Variants in RSRC1 observed in about 807,000 individuals in gnomAD.
RSRC1 encodes the protein arginine and serine rich coiled-coil 1, also known as serine/Arginine-related protein 53.
A neutral mutation model predicts 49.1 loss-of-function variants in RSRC1; 39 were observed. That is an observed-to-expected ratio of 0.79 (90% CI 0.61 to 1.04). The LOEUF is 1.04. RSRC1 is among the 50% of genes least tolerant of loss of function. The probability of loss-of-function intolerance (pLI) is 0.00; values close to 1 mark genes in which losing one functional copy is unlikely to be tolerated. For synonymous variants in RSRC1, 143 were observed against 130.8 expected, an observed-to-expected ratio of 1.09 and a Z score of -0.63; for missense variants, 388 against 402.4, an observed-to-expected ratio of 0.96 and a Z score of 0.31.
intron 4 of RSRC1, among the ~76,000 whole-genome samples, chr3:158,208,349 C>T (rs1721463458): frequency 6.6e-6 from 1 of 151,926 alleles, no homozygotes; most frequent in South Asian, 2.1e-4. Flanking sequence ...GTCAGAGCAA[C>T]TGTATTTCTT....
intron 4 of RSRC1, among the ~76,000 whole-genome samples, chr3:158,239,399 A>C (rs992566081): frequency 6.6e-6 from 1 of 152,150 alleles, no homozygotes; most frequent in Non-Finnish European, 1.5e-5. Context: ...TACTATAAAG[A>C]CCCATGCACA....
At chr3:158,245,114 T>C (rs1723817416) in intron 4 of RSRC1, among the ~76,000 whole-genome samples, 1 of 124,746 alleles carries the variant, frequency 8.0e-6, no homozygotes, top group Admixed American at 8.8e-5. Flanking sequence ...CTAGTTCTTT[T>C]AGTTATTAAT....
chr3:158,380,076 T>G, intron 6 of RSRC1, among the ~76,000 whole-genome samples: 1 of 152,206 alleles, frequency 6.6e-6, no homozygotes, highest in East Asian at 1.9e-4. Context: ...GGCTTTACTT[T>G]AATGTTTCTC....
intron 6 of RSRC1, among the ~76,000 whole-genome samples, chr3:158,390,168 T>G (rs1578418295): frequency 2.6e-5 from 4 of 152,166 alleles, no homozygotes. Context: ...TGTTGAGTGT[T>G]TGTATAGACC....
At chr3:158,173,736 A>C (rs1230755799) in intron 3 of RSRC1, among the ~76,000 whole-genome samples, 1 of 151,970 alleles carries the variant, frequency 6.6e-6, no homozygotes, top group Non-Finnish European at 1.5e-5. Flanking sequence ...CGAATAAACA[A>C]AATGTGGTAT....
At chr3:158,208,174 A>T (rs970132570) in intron 4 of RSRC1, among the ~76,000 whole-genome samples, 1 of 152,134 alleles carries the variant, frequency 6.6e-6, no homozygotes, top group Non-Finnish European at 1.5e-5. Context: ...TATAAAATTT[A>T]GTTTCTAAGA....
chr3:158,502,887 T>G (rs1286025941), intron 7 of RSRC1, among the ~76,000 whole-genome samples: 1 of 152,188 alleles, frequency 6.6e-6, no homozygotes, highest in Non-Finnish European at 1.5e-5. Flanking sequence ...GATTTCTTTT[T>G]GGTTTGGATC....
intron 7 of RSRC1, among the ~76,000 whole-genome samples, chr3:158,517,824 G>C (rs1740659859): frequency 1.6e-5 from 2 of 123,900 alleles, no homozygotes; most frequent in African/African-American, 6.2e-5. Flanking sequence ...GGTTGGTCTT[G>C]AAATCGTGGA....
At chr3:158,384,518 A>G (rs1350420731) in intron 6 of RSRC1, among the ~76,000 whole-genome samples, 1 of 152,138 alleles carries the variant, frequency 6.6e-6, no homozygotes, top group Non-Finnish European at 1.5e-5. Flanking sequence ...AGATTAATGA[A>G]TGGGCTATTA....
Position 158,500,784 on chromosome 3 carries a change from C to A in RSRC1, c.653-36308C>A, listed in dbSNP as rs561420950. Among the ~76,000 whole-genome samples, 7 of 152,010 alleles carry A rather than the reference C, an allele frequency of 4.6e-5. No homozygotes were observed. The East Asian group carries it at 1.4e-3, about 29-fold the overall frequency. ...TGGGTTAATCTTGTTAATTATCTAT[C>A]AATTTTATTTATCTTTCAAAGAACC... On this transcript the variant is annotated intron_variant, in intron 7 of 9. Transcript: ENST00000611884.
At position 158,202,562 on chromosome 3, in the gene RSRC1, T is replaced by TTATATATATATGTATATATATA. The variant is rs1553768415; in HGVS notation, c.321-499_321-498insGTATATATATATATATATATAT. Among the ~76,000 whole-genome samples the TTATATATATATGTATATATATA allele has an allele frequency of 2.7e-4, 25 of 92,024 alleles. 1 individual carries two copies. Among genetic ancestry groups the TTATATATATATGTATATATATA allele is most frequent in the African/African-American group, 1.3e-3 (24 of 18,896 alleles). 60.4% of individuals were successfully genotyped at this position (92,024 alleles called of 152,430 possible). A position where few individuals can be genotyped will look rare whatever the true frequency, so the allele number is the denominator to read the frequency against. ...TCTGTAGGGTTGTCAGTCTGGTAGA[T>TTATATATATATGTATATATATA]TATATATATATATATATATGTTTTA... On this transcript the variant is annotated intron_variant, in intron 3 of 9. Transcript: ENST00000611884.
intron 7 of RSRC1, 75 bp from the exon 8 acceptor site, chr3:158,537,017 A>G (rs73154326): frequency 0.26 from 225,715 of 867,754 alleles, 29,829 homozygotes; most frequent in South Asian, 0.31. Context: ...TTCTTCATAG[A>G]AAGAACATTG....
At chr3:158,524,160 G>A (rs1711867404) in intron 7 of RSRC1, among the ~76,000 whole-genome samples, 5 of 151,930 alleles carry the variant, frequency 3.3e-5, no homozygotes, top group Non-Finnish European at 2.9e-5. Flanking sequence ...AACATTTTTG[G>A]CACCCATCAA....
chr3:158,439,503 T>C (rs952295271), intron 6 of RSRC1, among the ~76,000 whole-genome samples: 2 of 152,166 alleles, frequency 1.3e-5, no homozygotes, highest in Admixed American at 1.3e-4. Flanking sequence ...GAGGAGTTCA[T>C]GTCCTTTGTA....
intron 7 of RSRC1, among the ~76,000 whole-genome samples, chr3:158,533,758 C>CAAA (rs1256471425): frequency 3.1e-4 from 47 of 151,726 alleles, no homozygotes; most frequent in Non-Finnish European, 3.0e-5. Context: ...CCTATACAGA[C>CAAA]AAATGTAGTT....
intron 6 of RSRC1, among the ~76,000 whole-genome samples, chr3:158,373,680 A>C (rs1029271867): frequency 6.6e-6 from 1 of 151,978 alleles, no homozygotes; most frequent in South Asian, 2.1e-4. Flanking sequence ...AATTATAAAT[A>C]CTTCATTAGA....
intron 4 of RSRC1, among the ~76,000 whole-genome samples, chr3:158,256,149 A>G (rs1578250539): frequency 6.6e-6 from 1 of 152,146 alleles, no homozygotes; most frequent in East Asian, 1.9e-4. Context: ...CGGTTTTCAG[A>G]GGGAATGCTT....
intron 4 of RSRC1, among the ~76,000 whole-genome samples, chr3:158,210,475 C>CAAA (rs201555187): frequency 3.4e-5 from 2 of 59,462 alleles, no homozygotes; most frequent in Admixed American, 1.8e-4. Flanking sequence ...TTATAGCATG[C>CAAA]AAAAAAAAAA....
At chr3:158,514,475 T>C (rs1740381859) in intron 7 of RSRC1, among the ~76,000 whole-genome samples, 1 of 152,236 alleles carries the variant, frequency 6.6e-6, no homozygotes, top group Non-Finnish European at 1.5e-5. Context: ...CACTGTGGTC[T>C]GAGAGATAGT....
Sources: gnomAD v4.1 joint callset for allele counts (sites outside exome capture counted in the v4.1 genomes callset) on GRCh38, gnomAD v4.1.1 for gene constraint, MANE v1.5 for transcripts, NCBI Gene and HGNC (gene_info 2026-07-23, HGNC 2026-07-21) for gene names.